DSE: variants seen among roughly 807,000 people sequenced by gnomAD.
DSE encodes dermatan sulfate epimerase.
DSE carries 36 observed loss-of-function variants against 84.4 expected under a neutral mutation model. The observed-to-expected ratio is 0.43, with a 90% confidence interval of 0.33 to 0.56. The LOEUF is 0.56. Among genes scored for constraint, DSE ranks in the 20% least tolerant of loss-of-function variants. DSE has a pLI of 0.06. For missense variants in DSE, 862 were observed against 1,169.6 expected (o/e 0.74, Z 3.84); for synonymous variants, 410 against 430.1 (o/e 0.95, Z 0.58).
intron 1 of DSE, among the ~76,000 whole-genome samples, chr6:116,386,926 A>G (rs1383998520): frequency 6.6e-6 from 1 of 152,260 alleles, no homozygotes; most frequent in Non-Finnish European, 1.5e-5. Flanking sequence ...TATTACTATT[A>G]GAGAGTAAAC....
chr6:116,396,561 C>G (rs1335419113), intron 1 of DSE, among the ~76,000 whole-genome samples: 2 of 152,212 alleles, frequency 1.3e-5, no homozygotes, highest in Non-Finnish European at 2.9e-5. Flanking sequence ...CTCTGACTCC[C>G]TTGCACGAAT....
intron 2 of DSE, among the ~76,000 whole-genome samples, chr6:116,402,484 G>A (rs1781658422): frequency 6.6e-6 from 1 of 152,106 alleles, no homozygotes; most frequent in African/African-American, 2.4e-5. Flanking sequence ...GGAAGATTAA[G>A]TGCAATAATC....
rs768059844 is a variant in DSE at position 116,436,242 on chromosome 6, G to A, written c.1774G>A (p.Val592Ile). The A allele has an allele frequency of 9.3e-6, 15 of 1,614,144 alleles. No individual in the cohort carries two copies. The South Asian group carries it at 1.3e-4, about 14-fold the overall frequency. Reference protein sequence around the residue: ...TAASFFHNVDVPFEETVVDGV... With the variant: ...TAASFFHNVDIPFEETVVDGV... ...AGCGAGCTTCTTCCATAATGTGGAT[G>A]TTCCTTTTGAGGAGACTGTGGTAGA... Residue 592 changes from valine to isoleucine, a missense_variant, in exon 6 of 6, where the codon GTT (valine) becomes ATT (isoleucine). Transcript: ENST00000644252.
chr6:116,424,563 C>T (rs992915929), intron 2 of DSE, among the ~76,000 whole-genome samples: 4 of 152,132 alleles, frequency 2.6e-5, no homozygotes, highest in Non-Finnish European at 5.9e-5. Context: ...CTTTTTCCTT[C>T]TTTCTGAAAA....
chr6:116,264,452 A>T (rs1223152039), intron 2 of DSE, among the ~76,000 whole-genome samples: 1 of 152,028 alleles, frequency 6.6e-6, no homozygotes, highest in Non-Finnish European at 1.5e-5. Flanking sequence ...TCTTTTCTAT[A>T]CTGGCTATTT....
intron 2 of DSE, chr6:116,278,772 A>T: frequency 6.2e-7 from 1 of 1,614,198 alleles, no homozygotes; most frequent in Non-Finnish European, 8.5e-7. Context: ...ATATAATTGG[A>T]GTAGAAAGAG....
upstream of DSE, among the ~76,000 whole-genome samples, chr6:116,368,725 A>T (rs531330516): frequency 1.3e-5 from 2 of 152,232 alleles, no homozygotes; most frequent in Non-Finnish European, 2.9e-5. Context: ...CTTGAATTCA[A>T]TTCTTGGCAT....
chr6:116,324,355 G>C (rs1319356875), intron 2 of DSE, among the ~76,000 whole-genome samples: 1 of 152,142 alleles, frequency 6.6e-6, no homozygotes, highest in African/African-American at 2.4e-5. Context: ...TTCCCAGTTT[G>C]CTTTAATAGC....
chr6:116,362,157 A>G (rs769933270), intron 2 of DSE, among the ~76,000 whole-genome samples: 20 of 152,248 alleles, frequency 1.3e-4, no homozygotes, highest in Non-Finnish European at 2.5e-4. Context: ...CCAGGTATCA[A>G]AGGTTTATAA....
At chr6:116,402,671 T>G (rs891868837) in intron 2 of DSE, among the ~76,000 whole-genome samples, 7 of 152,326 alleles carry the variant, frequency 4.6e-5, no homozygotes, top group African/African-American at 1.7e-4. Context: ...AGGATTTTAC[T>G]AATCTTAATT....
At chr6:116,286,686 AC>A (rs1470712642) in intron 2 of DSE, among the ~76,000 whole-genome samples, 6 of 152,180 alleles carry the variant, frequency 3.9e-5, no homozygotes, top group Non-Finnish European at 8.8e-5. Context: ...AACATTGCCT[AC>A]ACTGTAAGAA....
At chr6:116,292,514 C>T (rs866035912) in intron 2 of DSE, among the ~76,000 whole-genome samples, 2 of 151,966 alleles carry the variant, frequency 1.3e-5, no homozygotes, top group Admixed American at 6.6e-5. Context: ...GTGTGTGAGG[C>T]CAGTTCTTTC....
At chr6:116,364,249 G>A (rs182973309) in intron 2 of DSE, among the ~76,000 whole-genome samples, 1 of 152,142 alleles carries the variant, frequency 6.6e-6, no homozygotes, top group East Asian at 1.9e-4. Context: ...TGGCCAAGAT[G>A]AGTAAAAATG....
chr6:116,339,335 G>C (rs1777454081), intron 2 of DSE, among the ~76,000 whole-genome samples: 1 of 150,054 alleles, frequency 6.7e-6, no homozygotes, highest in Non-Finnish European at 1.5e-5. Context: ...TTAATCTCAT[G>C]GTTTATTTCA....
At chr6:116,351,587 CATT>C (rs1412777179) in intron 2 of DSE, among the ~76,000 whole-genome samples, 2 of 151,822 alleles carry the variant, frequency 1.3e-5, no homozygotes, top group Non-Finnish European at 2.9e-5. Flanking sequence ...ATTTTTACCT[CATT>C]ATAAAATAGC....
rs546974194 is a variant in DSE, at chr6:116,264,946, T to G, written c.-54+5979T>G. Among the ~76,000 whole-genome samples, 6 of 152,244 alleles carry G rather than the reference T, an allele frequency of 3.9e-5. No individual in the cohort carries two copies. In the South Asian group the frequency reaches 1.2e-3, roughly 32 times the overall value. On this transcript the variant is annotated intron_variant, in intron 2 of 3. Transcript: ENST00000430252. ...TCCTCAAGGTTAGGAATTCACTGTG[T>G]TGGGGGAACTGAGGTGCTCCCGGAC...
upstream of DSE, chr6:116,369,936 C>T (rs1034957931): frequency 3.9e-6 from 5 of 1,289,166 alleles, no homozygotes; most frequent in Non-Finnish European, 4.0e-6. Context: ...GGGTAAGTAT[C>T]CTACAAATCT....
intron 2 of DSE, among the ~76,000 whole-genome samples, chr6:116,415,574 A>G (rs1440339949): frequency 1.1e-5 from 1 of 95,052 alleles, no homozygotes; most frequent in Admixed American, 1.1e-4. Context: ...TCTTTTTCAC[A>G]TGTTTAACCT....
upstream of DSE, among the ~76,000 whole-genome samples, chr6:116,370,699 G>A (rs1779480230): frequency 3.3e-5 from 5 of 152,114 alleles, no homozygotes; most frequent in Admixed American, 3.3e-4. Context: ...GGGCCGGGTG[G>A]CGTGGAAGGC....
Sources: gnomAD v4.1 joint callset for allele counts (sites outside exome capture counted in the v4.1 genomes callset) on GRCh38, gnomAD v4.1.1 for gene constraint, MANE v1.5 for transcripts, NCBI Gene and HGNC (gene_info 2026-07-23, HGNC 2026-07-21) for gene names.